The following FER variants were observed in gnomAD, a reference collection of about 807,000 sequenced individuals.
FER encodes tyrosine-protein kinase Fer.
FER carries 63 observed loss-of-function variants against 111.0 expected under a neutral mutation model. The observed-to-expected ratio is 0.57, with a 90% CI of 0.46 to 0.70. The LOEUF is 0.70. Among genes scored for constraint, FER ranks in the 30% least tolerant of loss-of-function variants. FER has a pLI of 0.00. For missense variants in FER, 914 were observed against 954.0 expected (o/e 0.96, Z 0.55); for synonymous variants, 327 against 313.9 (o/e 1.04, Z -0.44).
At chr5:108,890,698 C>T (rs1381937014) in intron 9 of FER, among the ~76,000 whole-genome samples, 1 of 152,034 alleles carries the variant, frequency 6.6e-6, no homozygotes, top group Admixed American at 6.6e-5. Flanking sequence ...AGGTCACATT[C>T]TGAGATTTCA....
At chr5:108,791,591 T>C (rs371749600) in intron 2 of FER, among the ~76,000 whole-genome samples, 1 of 139,930 alleles carries the variant, frequency 7.1e-6, no homozygotes, top group African/African-American at 2.7e-5. Flanking sequence ...TATATATACA[T>C]ATATATATGA....
intron 10 of FER, among the ~76,000 whole-genome samples, chr5:108,942,544 T>C (rs1281554160): frequency 6.6e-6 from 1 of 152,182 alleles, no homozygotes; most frequent in African/African-American, 2.4e-5. Flanking sequence ...ATGATTTGCC[T>C]TTAGTCAGAA....
chr5:108,786,974 G>A lies in FER; in HGVS notation c.-59-11150G>A, dbSNP rs1366013716. ...CAGCTGCTGTGGAGACGCCAGCTGT[G>A]GCTGGGGAGGTGTGGCCAGGGCTGC... On this transcript the variant is annotated intron_variant, in intron 2 of 19. Transcript: ENST00000281092. 2.0e-5 allele frequency among the ~76,000 whole-genome samples: 3 copies of A among 152,272 alleles called. No individual in the cohort carries two copies. In the East Asian group the frequency reaches 5.8e-4, roughly 30 times the overall value.
intron 9 of FER, among the ~76,000 whole-genome samples, chr5:108,885,970 G>A (rs967210570): frequency 6.6e-6 from 1 of 151,880 alleles, no homozygotes; most frequent in Non-Finnish European, 1.5e-5. Context: ...TTGCTTTTCT[G>A]TGTTTGTGGA....
chr5:108,998,183 GAA>G (rs915109794), intron 13 of FER, among the ~76,000 whole-genome samples: 29 of 71,414 alleles, frequency 4.1e-4, no homozygotes, highest in African/African-American at 1.2e-3. Flanking sequence ...ACCGGGGTAT[GAA>G]AAAAAAAAAA....
chr5:108,882,061 G>A (rs1056619964), intron 8 of FER, among the ~76,000 whole-genome samples: 2 of 152,062 alleles, frequency 1.3e-5, no homozygotes, highest in African/African-American at 4.8e-5. Context: ...GTGACTGTAT[G>A]CTATACTAGG....
intron 13 of FER, among the ~76,000 whole-genome samples, chr5:108,995,590 T>C (rs181416972): frequency 6.6e-6 from 1 of 152,360 alleles, no homozygotes; most frequent in East Asian, 1.9e-4. Flanking sequence ...TGCAAAAACA[T>C]GAACTCATCC....
intron 10 of FER, among the ~76,000 whole-genome samples, chr5:108,932,242 A>C (rs904103119): frequency 2.0e-5 from 3 of 151,258 alleles, no homozygotes; most frequent in Non-Finnish European, 2.9e-5. Context: ...TCATTGTTCA[A>C]CTCCCACTTA....
intron 13 of FER, among the ~76,000 whole-genome samples, chr5:109,016,929 A>G (rs767820253): frequency 1.6e-4 from 24 of 151,960 alleles, no homozygotes; most frequent in Non-Finnish European, 2.9e-4. Flanking sequence ...AGAGAGACCT[A>G]TCTCTACCTG....
chr5:109,037,637 C>G (rs1676581107), intron 14 of FER, among the ~76,000 whole-genome samples, 159 bp downstream of exon 14: 8 of 151,972 alleles, frequency 5.3e-5, no homozygotes. Flanking sequence ...GTGATGCTCA[C>G]TGAAATAGAT....
At chr5:109,111,503 A>G (rs1251477369) in intron 17 of FER, among the ~76,000 whole-genome samples, 1 of 151,886 alleles carries the variant, frequency 6.6e-6, no homozygotes, top group Non-Finnish European at 1.5e-5. Flanking sequence ...AATGGCAAAA[A>G]TCACAATTGC....
intron 13 of FER, among the ~76,000 whole-genome samples, chr5:109,004,481 C>T (rs1053717112): frequency 1.6e-4 from 24 of 152,208 alleles, no homozygotes; most frequent in African/African-American, 5.1e-4. Context: ...ATGTCCACAA[C>T]AAGGAGCTGT....
intron 2 of FER, among the ~76,000 whole-genome samples, chr5:108,789,718 T>G (rs1755135250): frequency 6.6e-6 from 1 of 152,058 alleles, no homozygotes. Flanking sequence ...TTCTTGTGTC[T>G]CAGACTCCCA....
At chr5:108,920,286 T>C (rs1302167994) in intron 10 of FER, among the ~76,000 whole-genome samples, 2 of 152,086 alleles carry the variant, frequency 1.3e-5, no homozygotes, top group Non-Finnish European at 2.9e-5. Context: ...TGCAACTTGG[T>C]TTTTGAATAT....
chr5:108,859,526 GT>G (rs1468730145), intron 5 of FER, among the ~76,000 whole-genome samples: 2 of 152,112 alleles, frequency 1.3e-5, no homozygotes, highest in Non-Finnish European at 2.9e-5. Context: ...TATGAGTTAT[GT>G]TTTTCATTTT....
In FER at chr5:108,776,872, A is replaced by T. The variant is rs149317752; in HGVS notation, c.-60+8634A>T. Among the ~76,000 whole-genome samples, 370 of 152,326 alleles carry T rather than the reference A, an allele frequency of 2.4e-3. 3 individuals are homozygous for T. The highest frequency in any genetic ancestry group is 8.4e-3 in the African/African-American group (349 of 41,584). On this transcript the variant is annotated intron_variant, in intron 2 of 19. Coordinates refer to ENST00000281092, the MANE Select transcript of FER (RefSeq NM_005246.4). ...GTCAATACTTTGTAGGATTTTTACT[A>T]GTTTTGCTTTTTAAAAATATACTTT...
intron 10 of FER, among the ~76,000 whole-genome samples, chr5:108,930,085 A>T (rs1754344528): frequency 6.6e-6 from 1 of 152,032 alleles, no homozygotes; most frequent in Non-Finnish European, 1.5e-5. Context: ...ACTTTGTTTG[A>T]ATCTATGTAT....
chr5:109,050,565 A>G (rs549230971), intron 16 of FER, among the ~76,000 whole-genome samples: 1 of 152,246 alleles, frequency 6.6e-6, no homozygotes, highest in Non-Finnish European at 1.5e-5. Flanking sequence ...CAACTGTCTT[A>G]AAAATGTTTA....
intron 16 of FER, among the ~76,000 whole-genome samples, chr5:109,060,201 G>A (rs181896212): frequency 1.3e-5 from 2 of 152,188 alleles, no homozygotes; most frequent in Non-Finnish European, 2.9e-5. Context: ...GGTTCTTTTT[G>A]GAGTGATGAA....
Sources: gnomAD v4.1 joint callset for allele counts (sites outside exome capture counted in the v4.1 genomes callset) on GRCh38, gnomAD v4.1.1 for gene constraint, MANE v1.5 for transcripts, NCBI Gene and HGNC (gene_info 2026-07-23, HGNC 2026-07-21) for gene names.